Variants in GKAP1 observed in about 807,000 individuals in gnomAD.
GKAP1 encodes G kinase-anchoring protein 1.
In GKAP1, 31 loss-of-function variants were observed where a neutral mutation model predicts 56.7. That is an observed-to-expected ratio of 0.55 (90% CI 0.41 to 0.74). GKAP1 has a LOEUF of 0.74. Ranked by LOEUF, GKAP1 falls within the 30% of genes least tolerant of loss-of-function variation. GKAP1 has a pLI of 0.00. For synonymous variants in GKAP1, 151 were observed against 138.6 expected, an observed-to-expected ratio of 1.09 and a Z score of -0.63; for missense variants, 364 against 402.3, an observed-to-expected ratio of 0.90 and a Z score of 0.82.
At chr9:83,744,634 T>C (rs138234447) in intron 10 of GKAP1, among the ~76,000 whole-genome samples, 1,625 of 152,362 alleles carry the variant, frequency 0.011, 13 homozygotes, top group South Asian at 0.027. Flanking sequence ...CTGACAACGA[T>C]TTTAAGTGCT....
intron 6 of GKAP1, among the ~76,000 whole-genome samples, chr9:83,784,421 C>T (rs1944029693): frequency 6.6e-6 from 1 of 152,148 alleles, no homozygotes; most frequent in South Asian, 2.1e-4. Context: ...TCACTCTTGC[C>T]ATGTGATGAC....
intron 4 of GKAP1, among the ~76,000 whole-genome samples, chr9:83,790,358 T>G (rs942086969): frequency 6.6e-6 from 1 of 152,210 alleles, no homozygotes; most frequent in African/African-American, 2.4e-5. Context: ...CTATATACAC[T>G]TATGTACATG....
intron 9 of GKAP1, among the ~76,000 whole-genome samples, chr9:83,752,760 A>G (rs1158718505): frequency 6.6e-6 from 1 of 152,180 alleles, no homozygotes; most frequent in African/African-American, 2.4e-5. Context: ...CTATACCACA[A>G]TAAAGTGGAT....
intron 6 of GKAP1, among the ~76,000 whole-genome samples, chr9:83,781,847 T>TTC (rs1943978314): frequency 6.5e-5 from 2 of 30,554 alleles, no homozygotes; most frequent in East Asian, 1.4e-3. Flanking sequence ...GTATTTCTTC[T>TTC]TTTTTTTTTT....
chr9:83,794,902 C>T lies in GKAP1; in HGVS notation c.360+4283G>A, dbSNP rs551559949. Among the ~76,000 whole-genome samples the T allele has an allele frequency of 2.5e-3, 386 of 152,198 alleles. 2 individuals are homozygous for T. Among genetic ancestry groups the T allele is most frequent in the Non-Finnish European group, 4.5e-3 (304 of 67,984 alleles). ...TGGTGGCTCGCGCCTGTAATCCCAG[C>T]ACTTTGGTAGGTGGAGGTGGGGAGG... On this transcript the variant is annotated intron_variant, in intron 4 of 12. Coordinates refer to ENST00000376371, the MANE Select transcript of GKAP1 (RefSeq NM_025211.4).
intron 2 of GKAP1, among the ~76,000 whole-genome samples, chr9:83,816,761 C>T (rs1192193489): frequency 1.3e-5 from 2 of 152,124 alleles, no homozygotes; most frequent in East Asian, 3.9e-4. Flanking sequence ...TGCATCTACT[C>T]TGAAAAATCT....
At chr9:83,803,028 G>A (rs1442798936) in intron 3 of GKAP1, among the ~76,000 whole-genome samples, 1 of 152,018 alleles carries the variant, frequency 6.6e-6, no homozygotes, top group Admixed American at 6.6e-5. Flanking sequence ...AGGATCACTT[G>A]AGCCTGGGAG....
chr9:83,756,299 A>AT (rs1587695973), intron 8 of GKAP1, among the ~76,000 whole-genome samples: 1 of 151,378 alleles, frequency 6.6e-6, no homozygotes, highest in Non-Finnish European at 1.5e-5. Context: ...CAACATGGTG[A>AT]TTCTCTACTA....
chr9:83,812,071 T>C (rs1468442431), intron 2 of GKAP1, among the ~76,000 whole-genome samples: 1 of 151,814 alleles, frequency 6.6e-6, no homozygotes, highest in Non-Finnish European at 1.5e-5. Flanking sequence ...ATATGTCTAT[T>C]ATTCATACAC....
intron 8 of GKAP1, among the ~76,000 whole-genome samples, chr9:83,757,964 C>T (rs1943504814): frequency 6.6e-6 from 1 of 151,952 alleles, no homozygotes; most frequent in Admixed American, 6.6e-5. Context: ...TGGGTTTGAA[C>T]ACAGTGAGAC....
intron 2 of GKAP1, among the ~76,000 whole-genome samples, chr9:83,815,300 T>TG (rs1253880378): frequency 6.6e-6 from 1 of 151,778 alleles, no homozygotes; most frequent in South Asian, 2.1e-4. Flanking sequence ...TGTGTATACA[T>TG]GGGGTCTCAC....
chr9:83,769,599 C>A (rs916957118), intron 7 of GKAP1, among the ~76,000 whole-genome samples: 4 of 152,140 alleles, frequency 2.6e-5, no homozygotes, highest in Non-Finnish European at 5.9e-5. Flanking sequence ...ATATCCCATT[C>A]TACATTTTAT....
At chr9:83,796,626 CCTGG>C (rs940446481) in intron 4 of GKAP1, among the ~76,000 whole-genome samples, 3 of 152,074 alleles carry the variant, frequency 2.0e-5, no homozygotes, top group African/African-American at 7.2e-5. Context: ...CACCATCACG[CCTGG>C]CTAATTTTGT....
At position 83,739,563 on chromosome 9, in the gene GKAP1, C is replaced by T; in HGVS notation, c.*134G>A. 5.6e-6 allele frequency: 3 copies of T among 534,466 alleles called. No homozygotes were observed. Among genetic ancestry groups the T allele is most frequent in the Non-Finnish European group, 9.9e-6 (3 of 303,558 alleles). The allele number at this position is 534,466 out of a possible 1,614,324, so 33.1% of individuals were successfully genotyped here. A position where few individuals can be genotyped will look rare whatever the true frequency, so the allele number is the denominator to read the frequency against. On this transcript the variant is annotated 3_prime_UTR_variant, in exon 13 of 13. Coordinates refer to ENST00000376371, the MANE Select transcript of GKAP1 (RefSeq NM_025211.4). ...AGCCAAAAGAAATAAAATTATAGAC[C>T]ATTAGGGAGCTAGTTGCTTTTAGTT... is the stretch of plus-strand genomic sequence containing the variant.
chr9:83,803,118 A>G (rs1172305418), intron 3 of GKAP1, among the ~76,000 whole-genome samples: 1 of 152,176 alleles, frequency 6.6e-6, no homozygotes, highest in East Asian at 1.9e-4. Context: ...TCAAAAAAAC[A>G]AAAACAACTA....
chr9:83,815,269 G>T (rs989334441), intron 2 of GKAP1, among the ~76,000 whole-genome samples: 2 of 152,046 alleles, frequency 1.3e-5, no homozygotes, highest in East Asian at 3.9e-4. Context: ...GCTACAAGCA[G>T]GAGAATTTTT....
At chr9:83,805,627 T>G (rs1029820651) in intron 3 of GKAP1, among the ~76,000 whole-genome samples, 1 of 152,130 alleles carries the variant, frequency 6.6e-6, no homozygotes, top group Non-Finnish European at 1.5e-5. Flanking sequence ...CCCATTTTCA[T>G]TTAAGTATTA....
intron 7 of GKAP1, among the ~76,000 whole-genome samples, chr9:83,772,046 AG>A (rs1314630155): frequency 6.6e-6 from 1 of 152,062 alleles, no homozygotes; most frequent in Non-Finnish European, 1.5e-5. Flanking sequence ...AACAAACTAT[AG>A]GGGGGAGAAA....
chr9:83,808,666 T>C (rs2131325980), intron 2 of GKAP1, among the ~76,000 whole-genome samples: 1 of 152,322 alleles, frequency 6.6e-6, no homozygotes. Flanking sequence ...CCTACATAGT[T>C]GTTCAACTAT....
Sources: allele counts gnomAD v4.1 joint callset (sites outside exome capture counted in the v4.1 genomes callset), GRCh38; gene constraint gnomAD v4.1.1; transcripts MANE v1.5; gene names NCBI Gene and HGNC (gene_info 2026-07-23, HGNC 2026-07-21).